The following TNR variants were observed in gnomAD, a reference collection of about 807,000 sequenced individuals.
The protein encoded by TNR is tenascin R, also known as tenascin-R.
In TNR, 45 loss-of-function variants were observed where a neutral mutation model predicts 150.4. The ratio of observed to expected loss-of-function variants is 0.30; its 90% CI spans 0.24 to 0.38. The LOEUF is 0.38. TNR is among the 10% of genes least tolerant of loss of function. The probability of loss-of-function intolerance (pLI) is 1.00; values close to 1 mark genes in which losing one functional copy is unlikely to be tolerated. For synonymous variants in TNR, 687 were observed against 678.4 expected (o/e 1.01, Z -0.20); for missense variants, 1,544 against 1,759.1 (o/e 0.88, Z 2.19).
At chr1:175,522,580 CT>C (rs1659682321) in intron 2 of TNR, among the ~76,000 whole-genome samples, 1 of 152,110 alleles carries the variant, frequency 6.6e-6, no homozygotes, top group African/African-American at 2.4e-5. Flanking sequence ...AAATTGCTTT[CT>C]TAAATAGAAC....
chr1:175,520,151 C>A (rs1659576691), intron 2 of TNR, among the ~76,000 whole-genome samples: 1 of 152,176 alleles, frequency 6.6e-6, no homozygotes, highest in South Asian at 2.1e-4. Context: ...AATCTTAACT[C>A]CTCTCAGGAC....
chr1:175,547,607 AAGAAAC>A (rs1363619080), intron 1 of TNR, among the ~76,000 whole-genome samples: 3 of 20,854 alleles, frequency 1.4e-4, no homozygotes, highest in African/African-American at 3.2e-4. Context: ...GAAAGAAAGA[AAGAAAC>A]AAAGAAACAA....
At chr1:175,515,590 G>A (rs1659371288) in intron 2 of TNR, among the ~76,000 whole-genome samples, 1 of 152,216 alleles carries the variant, frequency 6.6e-6, no homozygotes, top group Non-Finnish European at 1.5e-5. Context: ...TCCTATAGGG[G>A]TCTAAGAAGA....
At chr1:175,544,055 G>A (rs1660597905) in intron 1 of TNR, among the ~76,000 whole-genome samples, 1 of 152,234 alleles carries the variant, frequency 6.6e-6, no homozygotes, top group East Asian at 1.9e-4. Flanking sequence ...AGGAATGGGT[G>A]TGCAAAGACA....
At chr1:175,370,618 T>C (rs1652061453) in intron 9 of TNR, among the ~76,000 whole-genome samples, 1 of 152,148 alleles carries the variant, frequency 6.6e-6, no homozygotes, top group South Asian at 2.1e-4. Context: ...TCTCCATCAA[T>C]ATGTTCAGTG....
intron 6 of TNR, among the ~76,000 whole-genome samples, chr1:175,393,022 TAAAG>T (rs1653253174): frequency 6.6e-6 from 1 of 152,124 alleles, no homozygotes; most frequent in South Asian, 2.1e-4. Flanking sequence ...TGTTGAAGAA[TAAAG>T]ACAGAGGGAA....
At chr1:175,336,246 A>G (rs1412111802) in intron 19 of TNR, among the ~76,000 whole-genome samples, 1 of 152,236 alleles carries the variant, frequency 6.6e-6, no homozygotes, top group African/African-American at 2.4e-5. Flanking sequence ...ATTGCAGGCA[A>G]AGCAATATTG....
rs138876519 is a variant in TNR at position 175,732,792 on chromosome 1, G to A, written c.-165+10434C>T. On this transcript the variant is annotated intron_variant, in intron 1 of 22. Transcript: ENST00000367674. ...ACTTTGTGTCTTGGTTTCCTCACCT[G>A]TGAAAAGGGGTTAATAACAGCACCT... Among the ~76,000 whole-genome samples the A allele has an allele frequency of 2.3e-4, 35 of 152,340 alleles. 1 individual carries two copies. The highest frequency in any genetic ancestry group is 3.4e-3 in the Middle Eastern group (1 of 294).
Position 175,354,286 on chromosome 1 carries a change from G to A in TNR, c.3382+105C>T, listed in dbSNP as rs991429690. ...GGGAAAAGAAGGAGGAGGCAACTGAGCTTTTTTGATAAACTGCTCCCAGAG... is the reference window on the plus strand; with the variant it reads ...GGGAAAAGAAGGAGGAGGCAACTGAACTTTTTTGATAAACTGCTCCCAGAG... On this transcript the variant is annotated intron_variant, in intron 18 of 22. Coordinates refer to ENST00000367674, the MANE Select transcript of TNR (RefSeq NM_003285.3). 3.4e-6 allele frequency: 5 copies of A among 1,455,570 alleles called. No individual in the cohort carries two copies. In the South Asian group the frequency reaches 6.9e-5, roughly 20 times the overall value. 90.2% of individuals were successfully genotyped at this position (1,455,570 alleles called of 1,614,324 possible). A position where few individuals can be genotyped will look rare whatever the true frequency, so the allele number is the denominator to read the frequency against.
At chr1:175,596,196 G>A (rs757835818) in intron 1 of TNR, among the ~76,000 whole-genome samples, 1 of 152,140 alleles carries the variant, frequency 6.6e-6, no homozygotes, top group African/African-American at 2.4e-5. Context: ...ATTTCACATT[G>A]GGAGATGATA....
intron 2 of TNR, among the ~76,000 whole-genome samples, chr1:175,496,231 T>C (rs925500039): frequency 1.3e-5 from 2 of 152,178 alleles, no homozygotes; most frequent in African/African-American, 2.4e-5. Flanking sequence ...CCAGTATATA[T>C]GCTACTGAGG....
At chr1:175,591,261 GCT>G (rs1309230678) in intron 1 of TNR, among the ~76,000 whole-genome samples, 3 of 152,158 alleles carry the variant, frequency 2.0e-5, no homozygotes, top group African/African-American at 7.2e-5. Context: ...GGCAGCCAGG[GCT>G]CTGTGTCCCT....
At chr1:175,638,805 C>T (rs1437080422) in intron 1 of TNR, among the ~76,000 whole-genome samples, 3 of 152,214 alleles carry the variant, frequency 2.0e-5, no homozygotes, top group Non-Finnish European at 4.4e-5. Context: ...ACTAAACAAT[C>T]CGTCCTTGTT....
At chr1:175,518,428 C>T (rs975803861) in intron 2 of TNR, among the ~76,000 whole-genome samples, 8 of 152,202 alleles carry the variant, frequency 5.3e-5, no homozygotes, top group Non-Finnish European at 1.0e-4. Context: ...TCTCCCCCTA[C>T]AGTCCTAAAT....
At chr1:175,667,210 C>T (rs867269945) in intron 1 of TNR, among the ~76,000 whole-genome samples, 7 of 152,182 alleles carry the variant, frequency 4.6e-5, no homozygotes, top group Non-Finnish European at 8.8e-5. Flanking sequence ...GTCTCTCCAT[C>T]CTCTGTGCTC....
intron 2 of TNR, among the ~76,000 whole-genome samples, chr1:175,472,337 T>C (rs1657332322): frequency 6.6e-6 from 1 of 152,124 alleles, no homozygotes; most frequent in Non-Finnish European, 1.5e-5. Flanking sequence ...CTGAGGCTGT[T>C]CTACATTAAC....
At chr1:175,523,283 A>G (rs1659717699) in intron 2 of TNR, among the ~76,000 whole-genome samples, 1 of 152,248 alleles carries the variant, frequency 6.6e-6, no homozygotes, top group South Asian at 2.1e-4. Flanking sequence ...AACAAAAATA[A>G]TGTGAAAAAT....
At chr1:175,356,491 T>C (rs1651337290) in intron 15 of TNR, 29 bp from the exon 16 acceptor site, 1 of 1,612,532 alleles carries the variant, frequency 6.2e-7, no homozygotes, top group African/African-American at 1.3e-5. Flanking sequence ...GAATAAGGGT[T>C]GAATAAGGCT....
chr1:175,627,983 G>C (rs899517648), intron 1 of TNR, among the ~76,000 whole-genome samples: 1 of 152,210 alleles, frequency 6.6e-6, no homozygotes, highest in Non-Finnish European at 1.5e-5. Context: ...ACCACTGGGA[G>C]AAACACCTCC....
Sources: gnomAD v4.1 joint callset for allele counts (sites outside exome capture counted in the v4.1 genomes callset) on GRCh38, gnomAD v4.1.1 for gene constraint, MANE v1.5 for transcripts, NCBI Gene and HGNC (gene_info 2026-07-23, HGNC 2026-07-21) for gene names.